ABCG2: variants seen among roughly 807,000 people sequenced by gnomAD.
The protein encoded by ABCG2 is ATP binding cassette subfamily G member 2 (JR blood group).
Under a neutral mutation model 73.5 loss-of-function variants are expected in ABCG2, and 80 were observed. That is an observed-to-expected ratio of 1.09 (90% CI 0.91 to 1.31). ABCG2 has a LOEUF of 1.31. Among genes scored for constraint, ABCG2 ranks in the 50% most tolerant of loss-of-function variants. The pLI, the probability that ABCG2 is intolerant of heterozygous loss-of-function variation, is 0.00. For missense variants in ABCG2, 796 were observed against 786.2 expected (o/e 1.01, Z -0.15); for synonymous variants, 269 against 282.4 (o/e 0.95, Z 0.48).
chr4:88,152,211 T>C (rs1307765159), intron 1 of ABCG2, among the ~76,000 whole-genome samples: 1 of 152,196 alleles, frequency 6.6e-6, no homozygotes, highest in East Asian at 1.9e-4. Flanking sequence ...AAATGGGAGC[T>C]TTAAAAAATT....
Position 88,099,391 on chromosome 4 carries a change from T to C in ABCG2, c.1425A>G (p.Leu475=), listed in dbSNP as rs773254526. The C allele has an allele frequency of 1.9e-6, 3 of 1,612,246 alleles. No individual in the cohort carries two copies. Among genetic ancestry groups the C allele is most frequent in the African/African-American group, 2.7e-5 (2 of 74,854 alleles). Residue 475 remains leucine (L), a synonymous_variant, in exon 12 of 16, where the codon TTA becomes TTG. Coordinates refer to ENST00000237612, the MANE Select transcript of ABCG2 (RefSeq NM_004827.3). ...RVSSYFLGKL[L]SDLLPMRMLP... The stretch of plus-strand genomic sequence containing the variant: ...ACATCCTCATGGGTAATAAATCAGA[T>C]AACAGTTTTCCAAGGAAATAAGATG...
chr4:88,219,812 A>G (rs1033782158), intron 1 of ABCG2, among the ~76,000 whole-genome samples: 1 of 149,396 alleles, frequency 6.7e-6, no homozygotes, highest in Admixed American at 6.7e-5. Context: ...GATGGTCTCG[A>G]TCTCCTGACC....
At chr4:88,176,135 T>C (rs936474191) in intron 1 of ABCG2, among the ~76,000 whole-genome samples, 1 of 151,618 alleles carries the variant, frequency 6.6e-6, no homozygotes, top group Non-Finnish European at 1.5e-5. Context: ...AATTTTTGTG[T>C]TTAATTATTA....
At chr4:88,147,497 A>T (rs1560714277) in intron 1 of ABCG2, among the ~76,000 whole-genome samples, 1 of 152,220 alleles carries the variant, frequency 6.6e-6, no homozygotes, top group Non-Finnish European at 1.5e-5. Context: ...AATTCCTTGC[A>T]AATCTGCAAT....
intron 1 of ABCG2, among the ~76,000 whole-genome samples, chr4:88,212,515 T>C (rs777577557): frequency 1.3e-5 from 2 of 152,226 alleles, no homozygotes; most frequent in Non-Finnish European, 2.9e-5. Flanking sequence ...CCACCCTGCG[T>C]TACCTATGTA....
chr4:88,103,744 T>C (rs7674651), intron 10 of ABCG2, among the ~76,000 whole-genome samples: 64 of 152,334 alleles, frequency 4.2e-4, no homozygotes, highest in African/African-American at 1.4e-3. Flanking sequence ...CTCTAGCCTC[T>C]GGCAACCACC....
chr4:88,157,049 C>A (rs943118670), intron 1 of ABCG2, among the ~76,000 whole-genome samples: 6 of 152,228 alleles, frequency 3.9e-5, no homozygotes, highest in African/African-American at 1.4e-4. Flanking sequence ...TTGCAATGAG[C>A]TGAGATCGTG....
At chr4:88,149,168 A>G (rs564393898) in intron 1 of ABCG2, among the ~76,000 whole-genome samples, 54 of 152,236 alleles carry the variant, frequency 3.5e-4, no homozygotes, top group African/African-American at 1.3e-3. Context: ...GTGAGTCAAG[A>G]TCACGCCACT....
intron 1 of ABCG2, among the ~76,000 whole-genome samples, chr4:88,167,454 A>G (rs1288134791): frequency 6.7e-6 from 1 of 148,332 alleles, no homozygotes; most frequent in African/African-American, 2.5e-5. Context: ...GCTCACTGCA[A>G]CCTTCGCCTC....
rs1721611912 is a variant in ABCG2 at position 88,091,031 on chromosome 4, AC to A, written c.*1202del. The A allele has an allele frequency of 6.6e-6, 1 of 152,230 alleles. No homozygotes were observed. Among genetic ancestry groups the A allele is most frequent in the Non-Finnish European group, 1.5e-5 (1 of 68,032 alleles). The allele number at this position is 152,230 out of a possible 1,614,324, so 9.4% of individuals were successfully genotyped here. On this transcript the variant is annotated 3_prime_UTR_variant, in exon 16 of 16. Coordinates refer to ENST00000237612, the MANE Select transcript of ABCG2 (RefSeq NM_004827.3). ...CAACCTATGCACACAGAAACACAACACTTGGCTGTAGCAATGTTCTCATAAC... is the reference window on the plus strand; with the variant it reads ...CAACCTATGCACACAGAAACACAACATTGGCTGTAGCAATGTTCTCATAAC...
chr4:88,106,014 C>T (rs978803099), intron 10 of ABCG2, among the ~76,000 whole-genome samples: 3 of 152,150 alleles, frequency 2.0e-5, no homozygotes, highest in Admixed American at 6.5e-5. Flanking sequence ...TAAAATGGTA[C>T]GGCCACTGTG....
At chr4:88,104,191 ATGCTT>A (rs1722622858) in intron 10 of ABCG2, among the ~76,000 whole-genome samples, 1 of 152,214 alleles carries the variant, frequency 6.6e-6, no homozygotes, top group African/African-American at 2.4e-5. Context: ...TAATTCAAAG[ATGCTT>A]ATACTCTACA....
At chr4:88,198,462 A>G (rs1450033701) in intron 1 of ABCG2, among the ~76,000 whole-genome samples, 1 of 152,122 alleles carries the variant, frequency 6.6e-6, no homozygotes, top group African/African-American at 2.4e-5. Context: ...GCGAGATCCA[A>G]TCACTACAAA....
intron 1 of ABCG2, among the ~76,000 whole-genome samples, chr4:88,180,592 T>A (rs10029588): frequency 0.36 from 55,361 of 151,912 alleles, 10,514 homozygotes; most frequent in East Asian, 0.7. Flanking sequence ...TTTAAATTTT[T>A]AAATTTTTTT....
At chr4:88,162,514 T>C (rs3114020), upstream of ABCG2, among the ~76,000 whole-genome samples, 61,987 of 151,946 alleles carry the variant, frequency 0.41, 13,706 homozygotes, top group East Asian at 0.66. Flanking sequence ...TAAAGTTACA[T>C]TGGGAGGCAG....
At chr4:88,153,527 C>T (rs372774233) in intron 1 of ABCG2, among the ~76,000 whole-genome samples, 38,139 of 118,680 alleles carry the variant, frequency 0.32, 7,583 homozygotes, top group East Asian at 0.57. Context: ...TCTACCTTTC[C>T]TGAAGATTGA....
intron 6 of ABCG2, among the ~76,000 whole-genome samples, chr4:88,120,390 C>T (rs578244794): frequency 2.6e-5 from 4 of 152,234 alleles, no homozygotes; most frequent in African/African-American, 9.6e-5. Flanking sequence ...CCACCAACAG[C>T]TTGAATTGTG....
intron 1 of ABCG2, among the ~76,000 whole-genome samples, chr4:88,227,099 A>G (rs1217380080): frequency 6.6e-6 from 1 of 151,904 alleles, no homozygotes; most frequent in Non-Finnish European, 1.5e-5. Flanking sequence ...TACCCTGTCT[A>G]AAAAAAACTA....
intron 9 of ABCG2, among the ~76,000 whole-genome samples, chr4:88,112,952 A>G (rs1318692975): frequency 6.6e-6 from 1 of 151,916 alleles, no homozygotes; most frequent in Non-Finnish European, 1.5e-5. Context: ...TCTACACAAA[A>G]CACAAAAATT....
Sources: gnomAD v4.1 joint callset for allele counts (sites outside exome capture counted in the v4.1 genomes callset) on GRCh38, gnomAD v4.1.1 for gene constraint, MANE v1.5 for transcripts, NCBI Gene and HGNC (gene_info 2026-07-23, HGNC 2026-07-21) for gene names.